Variants in DYNLT2B observed in about 807,000 individuals in gnomAD.
The protein encoded by DYNLT2B is dynein light chain Tctex-type protein 2B.
DYNLT2B carries 14 observed loss-of-function variants against 19.5 expected under a neutral mutation model. The observed-to-expected ratio is 0.72, with a 90% confidence interval of 0.47 to 1.12. The LOEUF (loss-of-function observed/expected upper bound fraction) is 1.12. DYNLT2B is among the 50% of genes most tolerant of loss of function. The probability of loss-of-function intolerance (pLI) is 0.00; values close to 1 mark genes in which losing one functional copy is unlikely to be tolerated. For synonymous variants in DYNLT2B, 70 were observed against 59.7 expected, an observed-to-expected ratio of 1.17 and a Z score of -0.79; for missense variants, 133 against 174.7, an observed-to-expected ratio of 0.76 and a Z score of 1.35.
chr3:196,313,348 C>T lies in DYNLT2B; in HGVS notation c.247+2750G>A, dbSNP rs560235626. Among the ~76,000 whole-genome samples, 9 of 152,072 alleles carry T rather than the reference C, an allele frequency of 5.9e-5. No homozygotes were observed. The East Asian group carries it at 1.5e-3, about 26-fold the overall frequency. ...AATAGCTGGGACTACAGATGCACAC[C>T]ACCAGCCCGGCTAATTTTTGTATTT... is the stretch of plus-strand genomic sequence containing the variant. On this transcript the variant is annotated intron_variant, in intron 2 of 4. Transcript: ENST00000325318.
intron 2 of DYNLT2B, chr3:196,315,252 AT>A (rs1577394965): frequency 4.9e-6 from 2 of 410,946 alleles, no homozygotes; most frequent in Non-Finnish European, 4.7e-6. Flanking sequence ...GAGATGTTTT[AT>A]TTTTTTATTT....
chr3:196,314,834 A>C (rs967053860), intron 2 of DYNLT2B, among the ~76,000 whole-genome samples: 1 of 151,868 alleles, frequency 6.6e-6, no homozygotes, highest in African/African-American at 2.4e-5. Context: ...AACAAAACAA[A>C]ACAAAAAAAA....
chr3:196,316,698 T>A lies in DYNLT2B; in HGVS notation c.114-467A>T, dbSNP rs1726804782. Among the ~76,000 whole-genome samples, 3 of 152,346 alleles carry A rather than the reference T, an allele frequency of 2.0e-5. No homozygotes were observed. The South Asian group carries it at 6.2e-4, about 32-fold the overall frequency. ...CCAAGGGAAAAATCCTGTATGAAAT[T>A]TGTATCACTTTTTCTGTGAGTTACC... is the stretch of plus-strand genomic sequence containing the variant. On this transcript the variant is annotated intron_variant, in intron 1 of 4. Transcript: ENST00000325318.
chr3:196,291,377 A>G lies in DYNLT2B; in HGVS notation c.382-3T>C. On this transcript the variant is annotated splice_polypyrimidine_tract_variant and splice_region_variant and intron_variant, in intron 4 of 4. Coordinates refer to ENST00000325318, the MANE Select transcript of DYNLT2B (RefSeq NM_152773.5). ...GCTACAACGCAGAATAAACTGTCCT[A>G]AAAAATAAATACAACACACACACAC... is the stretch of plus-strand genomic sequence containing the variant. The G allele has an allele frequency of 6.2e-7, 1 of 1,609,434 alleles. No individual in the cohort carries two copies.
At chr3:196,314,587 A>G (rs1182601104) in intron 2 of DYNLT2B, among the ~76,000 whole-genome samples, 2 of 152,014 alleles carry the variant, frequency 1.3e-5, no homozygotes, top group Non-Finnish European at 2.9e-5. Flanking sequence ...CCTAGGTGGG[A>G]GAATCACTTG....
At chr3:196,309,347 ACT>A (rs377492080) in intron 2 of DYNLT2B, among the ~76,000 whole-genome samples, 4 of 151,876 alleles carry the variant, frequency 2.6e-5, no homozygotes, top group African/African-American at 9.7e-5. Context: ...GTCACCACAA[ACT>A]CTGCCTCCTG....
chr3:196,318,124 G>T lies in DYNLT2B; in HGVS notation c.29C>A (p.Ser10Ter). 3 of 1,554,856 alleles carry T rather than the reference G, an allele frequency of 1.9e-6. No homozygotes were observed. Among genetic ancestry groups the T allele is most frequent in the Admixed American group, 1.9e-5 (1 of 52,918 alleles). The change falls in exon 1 of 5, where the codon TCG (serine) becomes TAG (stop). Residue 10 changes from serine to a stop codon, truncating the protein, a stop_gained. Transcript: ENST00000325318. LOFTEE classifies it high-confidence loss of function. MATSIGVSF[S>*]VGDGVPEAEK... is the part of the protein sequence containing the mutation. Reference sequence around the variant, plus strand: ...AGCCTCAGGCACCCCGTCGCCCACCGAGAAGGACACTCCGATGGACGTGGC... The same window carrying T: ...AGCCTCAGGCACCCCGTCGCCCACCTAGAAGGACACTCCGATGGACGTGGC...
chr3:196,318,182 GC>G lies in DYNLT2B; in HGVS notation c.-31del, dbSNP rs911018497. The G allele has an allele frequency of 1.5e-6, 2 of 1,346,438 alleles. No homozygotes were observed. The highest frequency in any genetic ancestry group is 2.0e-6 in the Non-Finnish European group (2 of 1,003,690). 83.4% of individuals were successfully genotyped at this position (1,346,438 alleles called of 1,614,324 possible). A position where few individuals can be genotyped will look rare whatever the true frequency, so the allele number is the denominator to read the frequency against. On this transcript the variant is annotated 5_prime_UTR_variant, in exon 1 of 5. Coordinates refer to ENST00000325318, the MANE Select transcript of DYNLT2B (RefSeq NM_152773.5). The stretch of plus-strand genomic sequence containing the variant: ...GGGCTTCTCGGTCCGGGCGTAGCTC[GC>G]GATGAAGGCCTAGCGGGTTGCGGTC...
At chr3:196,299,669 C>T (rs1726303077) in intron 3 of DYNLT2B, among the ~76,000 whole-genome samples, 2 of 152,050 alleles carry the variant, frequency 1.3e-5, no homozygotes, top group South Asian at 2.1e-4. Flanking sequence ...CAGTGGCTCG[C>T]GCCTGTAATC....
intron 3 of DYNLT2B, among the ~76,000 whole-genome samples, chr3:196,305,420 T>C (rs1726461670): frequency 6.6e-6 from 1 of 152,210 alleles, no homozygotes; most frequent in Non-Finnish European, 1.5e-5. Context: ...ACCATAGGTA[T>C]ATAATCAGCA....
chr3:196,311,434 G>C (rs67317524), intron 2 of DYNLT2B, among the ~76,000 whole-genome samples: 48,251 of 151,162 alleles, frequency 0.32, 8,788 homozygotes, highest in East Asian at 0.83. Flanking sequence ...GAAATTATGG[G>C]AAAGAAAAAC....
chr3:196,315,820 C>T (rs1726774397), intron 2 of DYNLT2B, among the ~76,000 whole-genome samples: 1 of 152,050 alleles, frequency 6.6e-6, no homozygotes. Flanking sequence ...TGCAGTGAGC[C>T]AAGATCATGC....
chr3:196,314,919 G>A (rs1726739103), intron 2 of DYNLT2B, among the ~76,000 whole-genome samples: 2 of 152,122 alleles, frequency 1.3e-5, no homozygotes, highest in South Asian at 4.1e-4. Flanking sequence ...AGTTTGGTAG[G>A]GGTCGAGGGT....
At chr3:196,300,809 G>A (rs111311249) in intron 3 of DYNLT2B, among the ~76,000 whole-genome samples, 2,282 of 151,702 alleles carry the variant, frequency 0.015, 62 homozygotes, top group African/African-American at 0.052. Context: ...TAGCACTTGG[G>A]CACTTGGGGA....
At position 196,301,315 on chromosome 3, in the gene DYNLT2B, G is replaced by C. The variant is rs570775949; in HGVS notation, c.318-5246C>G. 2.0e-5 allele frequency among the ~76,000 whole-genome samples: 3 copies of C among 152,156 alleles called. No homozygotes were observed. In the East Asian group the frequency reaches 5.8e-4, roughly 29 times the overall value. ...TAAGCAATATCTAAGATTCAAACTA[G>C]GCATGCCAAGAGACAAAGCCATATA... On this transcript the variant is annotated intron_variant, in intron 3 of 4. Coordinates refer to ENST00000325318, the MANE Select transcript of DYNLT2B (RefSeq NM_152773.5).
chr3:196,313,654 C>T (rs780519365), intron 2 of DYNLT2B, among the ~76,000 whole-genome samples: 6 of 152,170 alleles, frequency 3.9e-5, no homozygotes, highest in Non-Finnish European at 8.8e-5. Context: ...TGCTAATATA[C>T]TAACAGCAGT....
chr3:196,304,440 G>GT (rs1477795643), intron 3 of DYNLT2B, among the ~76,000 whole-genome samples: 3 of 151,902 alleles, frequency 2.0e-5, no homozygotes, highest in East Asian at 1.9e-4. Flanking sequence ...GCCAAAAACT[G>GT]TTTTTTTTAA....
chr3:196,294,426 C>T (rs891164149), intron 4 of DYNLT2B, among the ~76,000 whole-genome samples: 14 of 152,308 alleles, frequency 9.2e-5, no homozygotes, highest in African/African-American at 2.9e-4. Context: ...AAATCATCTA[C>T]ATAAGCAGTG....
chr3:196,318,204 C>A lies in DYNLT2B; in HGVS notation c.-52G>T. The A allele has an allele frequency of 9.2e-7, 1 of 1,083,428 alleles. No homozygotes were observed. Among genetic ancestry groups the A allele is most frequent in the Non-Finnish European group, 1.3e-6 (1 of 791,466 alleles). The allele number at this position is 1,083,428 out of a possible 1,614,324, so 67.1% of individuals were successfully genotyped here. A position where few individuals can be genotyped will look rare whatever the true frequency, so the allele number is the denominator to read the frequency against. On this transcript the variant is annotated 5_prime_UTR_variant, in exon 1 of 5. Transcript: ENST00000325318. Reference sequence around the variant, plus strand: ...CTCGCGATGAAGGCCTAGCGGGTTGCGGTCGCGGCCGGCAGCAGGGAAAGC... The same window carrying A: ...CTCGCGATGAAGGCCTAGCGGGTTGAGGTCGCGGCCGGCAGCAGGGAAAGC...
Sources: allele counts gnomAD v4.1 joint callset (sites outside exome capture counted in the v4.1 genomes callset), GRCh38; gene constraint gnomAD v4.1.1; transcripts MANE v1.5; gene names NCBI Gene and HGNC (gene_info 2026-07-23, HGNC 2026-07-21).